Variants in TTLL3 observed in about 807,000 individuals in gnomAD.
TTLL3 encodes the protein tubulin tyrosine ligase like 3, also known as tubulin monoglycylase TTLL3.
TTLL3 carries 63 observed loss-of-function variants against 75.2 expected under a neutral mutation model. The ratio of observed to expected loss-of-function variants is 0.84; its 90% CI spans 0.68 to 1.03. The LOEUF is 1.03. TTLL3 is among the 50% of genes least tolerant of loss of function. The pLI is 0.00. For missense variants in TTLL3, 997 were observed against 1,069.9 expected, an observed-to-expected ratio of 0.93 and a Z score of 0.95; for synonymous variants, 393 against 418.5, an observed-to-expected ratio of 0.94 and a Z score of 0.74.
At position 9,817,768 on chromosome 3, in the gene TTLL3, AC is replaced by A. The variant is rs1275216451; in HGVS notation, c.559+14del. 1.7e-5 allele frequency: 28 copies of A among 1,613,734 alleles called. No individual in the cohort carries two copies. The highest frequency in any genetic ancestry group is 2.1e-5 in the Non-Finnish European group (25 of 1,179,968). On this transcript the variant is annotated intron_variant, in intron 6 of 13. Transcript: ENST00000685419. Reference sequence around the variant, plus strand: ...CAAAAAAGCCTTCATAGGTAAGGAGACCCCCAGCCCTATGCCTGAACCTCAG... The same window carrying A: ...CAAAAAAGCCTTCATAGGTAAGGAGACCCCAGCCCTATGCCTGAACCTCAG...
At position 9,835,089 on chromosome 3, in the gene TTLL3, C is replaced by A; in HGVS notation, c.2053-5C>A. On this transcript the variant is annotated splice_polypyrimidine_tract_variant and splice_region_variant and intron_variant, in intron 13 of 13. Transcript: ENST00000685419. ...CTCCCTCTTCTCCCCTCCTTTCACA[C>A]CGAGGCTCCTGCTCTCCTGTGCCTC... 2.5e-6 allele frequency: 4 copies of A among 1,602,010 alleles called. No homozygotes were observed. Among genetic ancestry groups the A allele is most frequent in the Non-Finnish European group, 3.4e-6 (4 of 1,172,984 alleles).
Position 9,834,926 on chromosome 3 carries a change from C to G in TTLL3, c.2052+19C>G. On this transcript the variant is annotated intron_variant, in intron 13 of 13. Transcript: ENST00000685419. ...AAGAAAGGTGGGCCTCGACCTGTGA[C>G]TCACACCCAGTGGACAGTGCTGAGC... 6.2e-7 allele frequency: 1 copy of G among 1,614,226 alleles called. No homozygotes were observed. Among genetic ancestry groups the G allele is most frequent in the Non-Finnish European group, 8.5e-7 (1 of 1,180,040 alleles).
chr3:9,810,233 G>T, upstream of TTLL3: 1 of 1,508,880 alleles, frequency 6.6e-7, no homozygotes, highest in Admixed American at 2.1e-5. This position sits in a 1 kb window ranked among gnomAD's most constrained non-coding sequence, Gnocchi z 4.4. Flanking sequence ...TCCGAGGAGG[G>T]TCACGCAGGC....
intron 8 of TTLL3, among the ~76,000 whole-genome samples, chr3:9,824,188 G>A (rs543725906): frequency 6.6e-6 from 1 of 152,198 alleles, no homozygotes; most frequent in Non-Finnish European, 1.5e-5. Context: ...GGGGGTAGAT[G>A]ATGGGAAGAA....
intron 6 of TTLL3, 191 bp downstream of exon 6, chr3:9,817,950 A>G: frequency 1.4e-6 from 1 of 710,408 alleles, no homozygotes; most frequent in Non-Finnish European, 2.2e-6. Flanking sequence ...AGCTTGGTCA[A>G]CTCTGACCTC....
chr3:9,812,837 AATTTCCTGAT>A, intron 2 of TTLL3, 96 bp from the exon 3 acceptor site: 1 of 1,309,856 alleles, frequency 7.6e-7, no homozygotes, highest in Non-Finnish European at 9.9e-7. Context: ...GGAATATAAA[AATTTCCTGAT>A]GGCAGAGTCC....
chr3:9,825,939 C>G lies in TTLL3; in HGVS notation c.994C>G (p.Arg332Gly), dbSNP rs768211105. The change falls in exon 9 of 14, where the codon CGC (arginine) becomes GGC (glycine). Residue 332 changes from arginine to glycine, a missense_variant. Transcript: ENST00000685419. ...GATCGTGAAGCCAGGAGCCAAGTCCCGCGGACGAGGTGGGGGTCAGCTCCT... is the reference window on the plus strand; with the variant it reads ...GATCGTGAAGCCAGGAGCCAAGTCCGGCGGACGAGGTGGGGGTCAGCTCCT... Reference protein sequence around the residue: ...IWIVKPGAKSRGRGIMCMDHL... With the variant: ...IWIVKPGAKSGGRGIMCMDHL... 3 of 1,613,274 alleles carry G rather than the reference C, an allele frequency of 1.9e-6. No individual in the cohort carries two copies. Among genetic ancestry groups the G allele is most frequent in the East Asian group, 4.5e-5 (2 of 44,876 alleles).
intron 4 of TTLL3, among the ~76,000 whole-genome samples, chr3:9,814,677 C>T (rs1218861130): frequency 6.8e-6 from 1 of 146,754 alleles, no homozygotes; most frequent in Non-Finnish European, 1.5e-5. Flanking sequence ...AAAAATTAGC[C>T]AGGCATGGTG....
intron 8 of TTLL3, 134 bp from the exon 9 acceptor site, chr3:9,825,666 A>G (rs757473871): frequency 1.3e-6 from 2 of 1,527,602 alleles, no homozygotes; most frequent in East Asian, 2.4e-5. Flanking sequence ...GGAGGGACCT[A>G]TGGATATCTG....
At chr3:9,832,407 G>A (rs1057441306) in intron 11 of TTLL3, among the ~76,000 whole-genome samples, 1 of 152,106 alleles carries the variant, frequency 6.6e-6, no homozygotes, top group African/African-American at 2.4e-5. Context: ...TTTTTAACAA[G>A]CTCCAAGTAA....
chr3:9,823,002 T>G (rs1033509758), intron 8 of TTLL3, among the ~76,000 whole-genome samples: 7 of 151,042 alleles, frequency 4.6e-5, no homozygotes, highest in Admixed American at 4.6e-4. Context: ...TCCCAGCACT[T>G]TGGGAGGCCA....
In TTLL3 at chr3:9,810,701, G is replaced by A. The variant is rs772482701; in HGVS notation, c.40G>A (p.Ala14Thr). The part of the protein sequence containing the change: ...LRNAKIYVER[A>T]VKQKKIFTIQ... ...AAACGCCAAAATCTACGTGGAGAGA[G>A]CTGTCAAGGTCAGAGGAGGGGCAGG... The change falls in exon 2 of 14, where the codon GCT becomes ACT. Residue 14 changes from alanine to threonine, a missense_variant. Ala to Thr is a moderately conservative substitution (Grantham distance 58). Transcript: ENST00000685419. This position sits in a 1 kb window ranked among gnomAD's most constrained non-coding sequence, Gnocchi z 4.4. The A allele has an allele frequency of 1.3e-4, 211 of 1,586,720 alleles. No individual in the cohort carries two copies. The highest frequency in any genetic ancestry group is 1.6e-4 in the Non-Finnish European group (186 of 1,167,010).
chr3:9,829,229 T>G lies in TTLL3; in HGVS notation c.1517T>G (p.Phe506Cys), dbSNP rs2081315130. ...GCTGACTTCGTGTTCGGGGAGGACT[T>G]CCAGCCCTGGCTGATTGAGATCAAC... ...YGADFVFGEDFQPWLIEINAS... is the reference protein window; with the variant it reads ...YGADFVFGEDCQPWLIEINAS... The change falls in exon 11 of 14, where the codon TTC becomes TGC. Residue 506 changes from phenylalanine to cysteine, a missense_variant. Phe to Cys is a radical substitution (Grantham distance 205, BLOSUM62 -2). Transcript: ENST00000685419. 1 of 1,614,060 alleles carries G rather than the reference T, an allele frequency of 6.2e-7. No individual in the cohort carries two copies. Among genetic ancestry groups the G allele is most frequent in the South Asian group, 1.1e-5 (1 of 91,086 alleles).
chr3:9,831,037 G>T (rs927962996), intron 11 of TTLL3, among the ~76,000 whole-genome samples: 1 of 152,146 alleles, frequency 6.6e-6, no homozygotes, highest in Non-Finnish European at 1.5e-5. Flanking sequence ...TCCTGACCTC[G>T]TGATTTGCCC....
rs12330592 is a variant in TTLL3, at chr3:9,827,396, T to G, written c.1247+156T>G. Reference sequence around the variant, plus strand: ...CCTCATCCTGCCAGCTGTCCTTGCATCCAACAGATTTTTTTTTAACAGACA... The same window carrying G: ...CCTCATCCTGCCAGCTGTCCTTGCAGCCAACAGATTTTTTTTTAACAGACA... On this transcript the variant is annotated intron_variant, in intron 10 of 13. Transcript: ENST00000685419. The G allele has an allele frequency of 3.6e-4, 492 of 1,372,484 alleles. 2 individuals are homozygous for G. In the African/African-American group the frequency reaches 6.4e-3, roughly 18 times the overall value. The allele number at this position is 1,372,484 out of a possible 1,614,324, so 85.0% of individuals were successfully genotyped here. A position where few individuals can be genotyped will look rare whatever the true frequency, so the allele number is the denominator to read the frequency against.
chr3:9,828,957 C>A lies in TTLL3; in HGVS notation c.1248-3C>A. ...GACCTCAGTTTTCTGTTCTCTGCCCCAGCTCAGTGCACCTGTGCAACAACT... is the reference window on the plus strand; with the variant it reads ...GACCTCAGTTTTCTGTTCTCTGCCCAAGCTCAGTGCACCTGTGCAACAACT... On this transcript the variant is annotated splice_region_variant and splice_polypyrimidine_tract_variant and intron_variant, in intron 10 of 13. Coordinates refer to ENST00000685419, the MANE Select transcript of TTLL3 (RefSeq NM_001387446.1). 1 of 1,614,106 alleles carries A rather than the reference C, an allele frequency of 6.2e-7. No individual in the cohort carries two copies.
intron 10 of TTLL3, 118 bp downstream of exon 10, chr3:9,827,358 C>A (rs111468340): frequency 1.4e-6 from 2 of 1,479,184 alleles, no homozygotes; most frequent in African/African-American, 2.8e-5. Flanking sequence ...ACACAGACTG[C>A]AGGCAGGCAG....
chr3:9,833,081 T>C (rs755751898), intron 11 of TTLL3, 23 bp from the exon 12 acceptor site: 1 of 1,613,584 alleles, frequency 6.2e-7, no homozygotes, highest in African/African-American at 1.3e-5. Flanking sequence ...TGAGTGGGCC[T>C]TGTCTCCTCT....
At chr3:9,829,883 C>T (rs1327659317) in intron 11 of TTLL3, among the ~76,000 whole-genome samples, 3 of 152,170 alleles carry the variant, frequency 2.0e-5, no homozygotes, top group Admixed American at 2.0e-4. Flanking sequence ...CGCTCTGTTG[C>T]CCAGGCTGGA....
Sources: allele counts gnomAD v4.1 joint callset (sites outside exome capture counted in the v4.1 genomes callset), GRCh38; gene constraint gnomAD v4.1.1; non-coding constraint Gnocchi (gnomAD v3.1); transcripts MANE v1.5; gene names NCBI Gene and HGNC (gene_info 2026-07-23, HGNC 2026-07-21).